Variants in SV2C observed in about 807,000 individuals in gnomAD.
SV2C encodes the protein synaptic vesicle glycoprotein 2C.
In SV2C, 49 loss-of-function variants were observed where a neutral mutation model predicts 79.7. The ratio of observed to expected loss-of-function variants is 0.61; its 90% CI spans 0.49 to 0.78. The LOEUF (loss-of-function observed/expected upper bound fraction) is 0.78, where lower values mean the gene tolerates loss of function less well. SV2C is among the 30% of genes least tolerant of loss of function. SV2C has a pLI of 0.00. For missense variants in SV2C, 833 were observed against 912.9 expected, an observed-to-expected ratio of 0.91 and a Z score of 1.13; for synonymous variants, 334 against 333.2, an observed-to-expected ratio of 1.00 and a Z score of -0.03.
At chr5:75,897,819 T>C in the SV2C span, among the ~76,000 whole-genome samples, 1 of 148,752 alleles carries the variant, frequency 6.7e-6, no homozygotes, top group Admixed American at 6.7e-5. Flanking sequence ...TATTTTATTC[T>C]CTTTGAAGCA....
At chr5:75,860,310 C>T in the SV2C span, among the ~76,000 whole-genome samples, 87,666 of 151,016 alleles carry the variant, frequency 0.58, 26,202 homozygotes, top group African/African-American at 0.76. Flanking sequence ...ACAAATAATA[C>T]CTGTTAGGTT....
intron 4 of SV2C, among the ~76,000 whole-genome samples, chr5:76,275,660 G>A (rs1350842521): frequency 6.6e-6 from 1 of 152,184 alleles, no homozygotes; most frequent in Non-Finnish European, 1.5e-5. Context: ...AGACAGTCAG[G>A]CAACTGGGGA....
At chr5:75,862,622 T>C in the SV2C span, among the ~76,000 whole-genome samples, 1 of 152,338 alleles carries the variant, frequency 6.6e-6, no homozygotes, top group Non-Finnish European at 1.5e-5. Context: ...AATCTCTTGC[T>C]GTGGCAAATT....
At chr5:75,904,147 G>C in the SV2C span, among the ~76,000 whole-genome samples, 1 of 152,128 alleles carries the variant, frequency 6.6e-6, no homozygotes, top group African/African-American at 2.4e-5. Flanking sequence ...TTTTGATATA[G>C]TTTGGTGGGT....
chr5:76,003,441 G>T, the SV2C span, among the ~76,000 whole-genome samples: 1 of 152,086 alleles, frequency 6.6e-6, no homozygotes, highest in African/African-American at 2.4e-5. Flanking sequence ...TATAATAATT[G>T]CATTTTCCAA....
intron 3 of SV2C, among the ~76,000 whole-genome samples, chr5:76,209,195 T>G (rs1237827755): frequency 1.3e-5 from 2 of 152,162 alleles, no homozygotes; most frequent in Non-Finnish European, 2.9e-5. Flanking sequence ...AATGACCCCG[T>G]GAGTCATTTC....
At chr5:76,162,305 G>A (rs1742919779) in intron 2 of SV2C, among the ~76,000 whole-genome samples, 1 of 152,136 alleles carries the variant, frequency 6.6e-6, no homozygotes, top group African/African-American at 2.4e-5. Flanking sequence ...ATGGCAGAAT[G>A]TTTTGTTATT....
chr5:76,258,402 C>T (rs556339596), intron 4 of SV2C, among the ~76,000 whole-genome samples: 3 of 152,124 alleles, frequency 2.0e-5, no homozygotes, highest in Non-Finnish European at 4.4e-5. Context: ...TGCAAATGTC[C>T]TCTTCAGGAG....
chr5:75,851,943 G>A, the SV2C span, among the ~76,000 whole-genome samples: 2 of 152,302 alleles, frequency 1.3e-5, no homozygotes, highest in South Asian at 2.1e-4. Context: ...GATTACAGAC[G>A]TGAGCCACCG....
the SV2C span, among the ~76,000 whole-genome samples, chr5:75,969,079 C>A: frequency 6.6e-6 from 1 of 152,026 alleles, no homozygotes; most frequent in South Asian, 2.1e-4. Flanking sequence ...CAAACTAAAC[C>A]TCGTCAGTGA....
At chr5:76,077,017 G>A in the SV2C span, among the ~76,000 whole-genome samples, 1 of 152,142 alleles carries the variant, frequency 6.6e-6, no homozygotes, top group Non-Finnish European at 1.5e-5. Context: ...AAGGATAGGA[G>A]GATGGCTGTT....
chr5:75,862,843 C>T, the SV2C span, among the ~76,000 whole-genome samples: 4 of 152,168 alleles, frequency 2.6e-5, no homozygotes, highest in African/African-American at 7.2e-5. Flanking sequence ...ACGTGATAAT[C>T]GGAGTAGGGT....
chr5:76,228,264 G>A (rs934700407), intron 4 of SV2C, among the ~76,000 whole-genome samples: 2 of 152,128 alleles, frequency 1.3e-5, no homozygotes, highest in Non-Finnish European at 2.9e-5. Flanking sequence ...TCACCTGGGC[G>A]TTTCTCAAAG....
At chr5:75,974,815 G>A in the SV2C span, among the ~76,000 whole-genome samples, 37,920 of 152,016 alleles carry the variant, frequency 0.25, 5,969 homozygotes, top group Non-Finnish European at 0.36. Flanking sequence ...CATTTGCTGA[G>A]AGTTTACTTT....
At chr5:76,159,663 A>G (rs897883827) in intron 2 of SV2C, among the ~76,000 whole-genome samples, 5 of 152,048 alleles carry the variant, frequency 3.3e-5, no homozygotes, top group Admixed American at 1.3e-4. Flanking sequence ...TGCCTCCATC[A>G]TCATATGACT....
intron 2 of SV2C, among the ~76,000 whole-genome samples, chr5:76,180,783 C>A (rs1282910780): frequency 1.3e-5 from 2 of 152,204 alleles, no homozygotes; most frequent in East Asian, 3.9e-4. Flanking sequence ...GTTGAGCAGC[C>A]TTTCCTCTTC....
At chr5:76,059,774 T>A in the SV2C span, among the ~76,000 whole-genome samples, 3 of 152,180 alleles carry the variant, frequency 2.0e-5, no homozygotes, top group African/African-American at 7.2e-5. Context: ...GAAAAATTCT[T>A]TCCACAAGAT....
At chr5:76,149,699 G>A (rs1451232109) in intron 2 of SV2C, among the ~76,000 whole-genome samples, 5 of 152,010 alleles carry the variant, frequency 3.3e-5, no homozygotes, top group East Asian at 3.9e-4. Flanking sequence ...TGTCTTACCC[G>A]CAGCTGAGGG....
chr5:75,871,624 A>C, the SV2C span, among the ~76,000 whole-genome samples: 2 of 151,934 alleles, frequency 1.3e-5, no homozygotes. Flanking sequence ...CCTGGCCAAC[A>C]TGGTGAAACG....
Sources: allele counts gnomAD v4.1 joint callset (sites outside exome capture counted in the v4.1 genomes callset), GRCh38; gene constraint gnomAD v4.1.1; transcripts MANE v1.5; gene names NCBI Gene and HGNC (gene_info 2026-07-23, HGNC 2026-07-21).